Variants in MAF observed in about 807,000 individuals in gnomAD.
The protein encoded by MAF is transcription factor Maf.
A neutral mutation model predicts 22.0 loss-of-function variants in MAF; 10 were observed. The ratio of observed to expected loss-of-function variants is 0.45; its 90% CI spans 0.28 to 0.77. The LOEUF (loss-of-function observed/expected upper bound fraction) is 0.77. Ranked by LOEUF, MAF falls within the 30% of genes least tolerant of loss-of-function variation. MAF has a pLI of 0.12. For missense variants in MAF, 544 were observed against 548.4 expected (o/e 0.99, Z 0.08); for synonymous variants, 337 against 255.8 (o/e 1.32, Z -3.03).
chr16:79,416,639 G>A, the MAF span, among the ~76,000 whole-genome samples: 440 of 152,270 alleles, frequency 2.9e-3, 4 homozygotes, highest in African/African-American at 0.01. Flanking sequence ...AAGGAAAGAC[G>A]TGACTCAGAT....
At chr16:79,554,208 A>C in the MAF span, among the ~76,000 whole-genome samples, 4 of 152,236 alleles carry the variant, frequency 2.6e-5, no homozygotes. Flanking sequence ...AGATTGCAGT[A>C]GAAGGGTTTC....
chr16:79,259,258 T>A, the MAF span, among the ~76,000 whole-genome samples: 1 of 152,174 alleles, frequency 6.6e-6, no homozygotes, highest in South Asian at 2.1e-4. Context: ...TGCCCACGCT[T>A]GCCCACTCCG....
chr16:79,553,589 A>C, the MAF span, among the ~76,000 whole-genome samples: 10 of 152,354 alleles, frequency 6.6e-5, 1 homozygote, highest in South Asian at 6.2e-4. Context: ...GGCTGAAGTC[A>C]GCCTGGTCAG....
the MAF span, among the ~76,000 whole-genome samples, chr16:79,300,122 AT>A: frequency 6.6e-6 from 1 of 152,198 alleles, no homozygotes; most frequent in Non-Finnish European, 1.5e-5. Flanking sequence ...AAGTATTAAT[AT>A]ATGTTAGTTA....
Position 79,599,462 on chromosome 16 carries a change from G to GCCGGCA in MAF, c.435_440dup (p.Gly147_Ala148dup), listed in dbSNP as rs753758729. The GCCGGCA allele has an allele frequency of 1.2e-5, 16 of 1,344,672 alleles. No individual in the cohort carries two copies. The highest frequency in any genetic ancestry group is 9.2e-5 in the East Asian group (3 of 32,692). The allele number at this position is 1,344,672 out of a possible 1,614,324, so 83.3% of individuals were successfully genotyped here. ...CCTCGCCGCTGCCGCCCAAGGAGGC[G>GCCGGCA]CCGGCACCGGCCCCGGCCGCCGCGG... On this transcript the variant is annotated inframe_insertion, in exon 1 of 2. Coordinates refer to ENST00000326043, the MANE Select transcript of MAF (RefSeq NM_005360.5).
chr16:79,220,178 C>T, the MAF span, among the ~76,000 whole-genome samples: 1 of 145,972 alleles, frequency 6.9e-6, no homozygotes, highest in Non-Finnish European at 1.5e-5. Context: ...ATTGCTTGAG[C>T]CCAGGAGGTG....
the MAF span, among the ~76,000 whole-genome samples, chr16:79,417,200 T>C: frequency 6.6e-6 from 1 of 152,230 alleles, no homozygotes; most frequent in Non-Finnish European, 1.5e-5. Context: ...TCATAGAACC[T>C]AATTCTTTAA....
chr16:79,494,754 G>A, the MAF span, among the ~76,000 whole-genome samples: 6 of 152,078 alleles, frequency 3.9e-5, no homozygotes, highest in East Asian at 1.9e-4. Context: ...TGCAGATCCC[G>A]TAGATGAAGG....
At chr16:79,526,534 T>C in the MAF span, among the ~76,000 whole-genome samples, 1 of 152,284 alleles carries the variant, frequency 6.6e-6, no homozygotes, top group Admixed American at 6.5e-5. Flanking sequence ...ACAATATGCA[T>C]AGACATGTCT....
chr16:79,372,980 T>C, the MAF span, among the ~76,000 whole-genome samples: 5 of 152,140 alleles, frequency 3.3e-5, no homozygotes, highest in African/African-American at 1.2e-4. Flanking sequence ...AGAGAGTCCT[T>C]CTCTCTACAG....
At chr16:79,334,481 C>G in the MAF span, among the ~76,000 whole-genome samples, 1 of 152,110 alleles carries the variant, frequency 6.6e-6, no homozygotes, top group Non-Finnish European at 1.5e-5. Flanking sequence ...TGGAAATGTT[C>G]TATATCTTGA....
the MAF span, among the ~76,000 whole-genome samples, chr16:79,372,366 A>C: frequency 3.3e-5 from 5 of 152,184 alleles, no homozygotes; most frequent in Non-Finnish European, 7.3e-5. Context: ...AACAAGAGAA[A>C]TATACCCACT....
chr16:79,513,412 G>A, the MAF span, among the ~76,000 whole-genome samples: 1 of 152,260 alleles, frequency 6.6e-6, no homozygotes, highest in Non-Finnish European at 1.5e-5. Context: ...TTATGGAGCT[G>A]TCATGAGGAT....
the MAF span, among the ~76,000 whole-genome samples, chr16:79,325,892 C>G: frequency 6.6e-6 from 1 of 152,140 alleles, no homozygotes; most frequent in Admixed American, 6.5e-5. Flanking sequence ...GGATTCAAGT[C>G]TTCAAGGAAG....
the MAF span, among the ~76,000 whole-genome samples, chr16:79,380,181 G>C: frequency 6.6e-6 from 1 of 152,092 alleles, no homozygotes; most frequent in South Asian, 2.1e-4. Context: ...TTTCCTATTG[G>C]CTAAATGCAA....
chr16:79,595,358 C>A (rs1375239692), intron 1 of MAF: 5 of 1,051,304 alleles, frequency 4.8e-6, no homozygotes, highest in East Asian at 5.4e-5. Context: ...TTAGCAGCAC[C>A]AAACACAACC....
the MAF span, among the ~76,000 whole-genome samples, chr16:79,466,882 G>A: frequency 1.3e-5 from 2 of 152,246 alleles, no homozygotes; most frequent in African/African-American, 4.8e-5. Context: ...ATATGGACAC[G>A]GATCTGTGGC....
chr16:79,312,457 G>A, the MAF span, among the ~76,000 whole-genome samples: 4 of 152,182 alleles, frequency 2.6e-5, no homozygotes, highest in Admixed American at 2.6e-4. Flanking sequence ...GTCTGGCTCA[G>A]TGCGAACGTC....
the MAF span, among the ~76,000 whole-genome samples, chr16:79,496,933 G>C: frequency 2.0e-5 from 3 of 152,066 alleles, no homozygotes; most frequent in African/African-American, 7.2e-5. Flanking sequence ...AGTAGCAGTG[G>C]GCCTGAGAAT....
Sources: allele counts gnomAD v4.1 joint callset (sites outside exome capture counted in the v4.1 genomes callset), GRCh38; gene constraint gnomAD v4.1.1; transcripts MANE v1.5; gene names NCBI Gene and HGNC (gene_info 2026-07-23, HGNC 2026-07-21).